DGCR8: variants seen among roughly 807,000 people sequenced by gnomAD.
DGCR8 encodes the protein DGCR8 microprocessor complex subunit.
A neutral mutation model predicts 78.5 loss-of-function variants in DGCR8; 14 were observed. The ratio of observed to expected loss-of-function variants is 0.18; its 90% CI spans 0.12 to 0.28. DGCR8 has a LOEUF of 0.28. Ranked by LOEUF, DGCR8 falls within the 10% of genes least tolerant of loss-of-function variation. DGCR8 has a pLI of 1.00. For missense variants in DGCR8, 702 were observed against 1,022.5 expected (o/e 0.69, Z 4.28); for synonymous variants, 399 against 402.4 (o/e 0.99, Z 0.10).
chr22:20,109,033 G>C, intron 13 of DGCR8, 30 bp downstream of exon 13: 1 of 1,206,618 alleles, frequency 8.3e-7, no homozygotes, highest in South Asian at 1.2e-5. Context: ...GAGGGCTGCC[G>C]GGCCACGGCC....
chr22:20,087,206 T>C lies in DGCR8; in HGVS notation c.765T>C (p.Leu255=), dbSNP rs1602479236. 1.2e-6 allele frequency: 2 copies of C among 1,613,808 alleles called. No homozygotes were observed. The highest frequency in any genetic ancestry group is 1.7e-6 in the Non-Finnish European group (2 of 1,179,764). ...NDVDALLEEG[L]CAPKKRRTEE... ...TGGATGCTCTGCTGGAAGAAGGCCT[T>C]TGTGCCCCCAAAAAGAGGCGAACAG... Residue 255 remains leucine, a synonymous_variant, in exon 3 of 14, where the codon CTT becomes CTC. Transcript: ENST00000351989. This position sits in a 1 kb window ranked among gnomAD's most constrained non-coding sequence, Gnocchi z 4.1.
intron 5 of DGCR8, 61 bp from the exon 6 acceptor site, chr22:20,091,374 T>G: frequency 1.9e-5 from 30 of 1,570,922 alleles, no homozygotes; most frequent in Non-Finnish European, 2.5e-5. Flanking sequence ...CACTGGGCTG[T>G]GAGAACCTGA....
chr22:20,091,827 G>C (rs1340076670), intron 6 of DGCR8, 42 bp from the exon 7 acceptor site: 1 of 1,579,182 alleles, frequency 6.3e-7, no homozygotes, highest in South Asian at 1.1e-5. Context: ...GCTAGCTTGT[G>C]GCACTGCTTC....
chr22:20,104,859 G>GAGGAGCTGCCCT (rs1555880029), intron 9 of DGCR8, among the ~76,000 whole-genome samples: 19,917 of 152,176 alleles, frequency 0.13, 1,683 homozygotes, highest in Non-Finnish European at 0.19. Flanking sequence ...GGGCAGAGGA[G>GAGGAGCTGCCCT]CTGCCCACTG....
At chr22:20,097,655 C>T (rs2147930244) in intron 9 of DGCR8, among the ~76,000 whole-genome samples, 1 of 151,998 alleles carries the variant, frequency 6.6e-6, no homozygotes, top group Non-Finnish European at 1.5e-5. Context: ...CTTTCTGTTC[C>T]TCAGTGTGGA....
chr22:20,101,113 T>G, intron 9 of DGCR8: 366 of 806,958 alleles, frequency 4.5e-4, no homozygotes, highest in South Asian at 6.8e-4. Flanking sequence ...GTGGGGTCGT[T>G]TTGAATCACA....
rs1310222466 is a variant in DGCR8, at chr22:20,085,978, G to A, written c.15G>A (p.Glu5=). The A allele has an allele frequency of 6.3e-7, 1 of 1,590,274 alleles. No homozygotes were observed. The highest frequency in any genetic ancestry group is 1.1e-5 in the South Asian group (1 of 89,044). Residue 5 remains glutamate, a synonymous_variant, in exon 2 of 14, where the codon GAG becomes GAA. Transcript: ENST00000351989. The surrounding 1 kb of genome is among the most constrained non-coding windows in gnomAD (Gnocchi z 6.2). ...GCGCTTTTAATATGGAGACAGATGA[G>A]AGCCCCTCTCCGCTCCCGTGTGGGC... METD[E]SPSPLPCGPA...
chr22:20,100,784 G>T (rs2049689522), intron 9 of DGCR8: 1 of 985,266 alleles, frequency 1.0e-6, no homozygotes, highest in Non-Finnish European at 1.2e-6. Context: ...AGACTCCCCT[G>T]CCTGGGGCTT....
At position 20,089,914 on chromosome 22, in the gene DGCR8, C is replaced by T. The variant is rs2049532153; in HGVS notation, c.1024-62C>T. On this transcript the variant is annotated intron_variant, in intron 4 of 13. Transcript: ENST00000351989. This position sits in a 1 kb window ranked among gnomAD's most constrained non-coding sequence, Gnocchi z 4.9. ...CAGCCAAGCAGAGGCCGGTGAAAGG[C>T]ATCAGAGTTTCAGACTCTCGGGTTG... The T allele has an allele frequency of 6.3e-7, 1 of 1,586,322 alleles. No individual in the cohort carries two copies. Among genetic ancestry groups the T allele is most frequent in the South Asian group, 1.1e-5 (1 of 87,142 alleles).
intron 9 of DGCR8, among the ~76,000 whole-genome samples, chr22:20,098,449 T>C (rs2049656769): frequency 6.6e-6 from 1 of 152,226 alleles, no homozygotes; most frequent in South Asian, 2.1e-4. Context: ...TTTCTTTGCA[T>C]ATCTCAGAAT....
rs1431364404 is a variant in DGCR8, at chr22:20,110,210, T to TA, written c.*102_*103insA. The TA allele has an allele frequency of 2.4e-6, 3 of 1,240,804 alleles. No homozygotes were observed. The highest frequency in any genetic ancestry group is 3.4e-6 in the Non-Finnish European group (3 of 877,984). The allele number at this position is 1,240,804 out of a possible 1,614,324, so 76.9% of individuals were successfully genotyped here. Reference sequence around the variant, plus strand: ...ACAGTGTCAGGCCTCCAACCCACGCTCCTTCCCTGTGGCCAACCTGTGGGC... The same window carrying TA: ...ACAGTGTCAGGCCTCCAACCCACGCTACCTTCCCTGTGGCCAACCTGTGGGC... On this transcript the variant is annotated 3_prime_UTR_variant, in exon 14 of 14. Transcript: ENST00000351989.
At chr22:20,093,812 A>G (rs1382147038) in intron 8 of DGCR8, among the ~76,000 whole-genome samples, 3 of 152,244 alleles carry the variant, frequency 2.0e-5, no homozygotes, top group Admixed American at 2.0e-4. Context: ...ATTCTTTCAC[A>G]AAAAGCCATT....
intron 9 of DGCR8, among the ~76,000 whole-genome samples, chr22:20,101,004 CTT>C (rs2049694056): frequency 6.6e-6 from 1 of 152,194 alleles, no homozygotes; most frequent in South Asian, 2.1e-4. Flanking sequence ...ACTTATGAAA[CTT>C]ATTTTTCATG....
Position 20,087,135 on chromosome 22 carries a change from C to G in DGCR8, c.721-27C>G, listed in dbSNP as rs2049494429. ...TGCAGGAGCATGAGCGCCAGGGGCT[C>G]TGGTGTCTGAACAGCGTGTTTTGCA... On this transcript the variant is annotated intron_variant, in intron 2 of 13. Transcript: ENST00000351989. This position sits in a 1 kb window ranked among gnomAD's most constrained non-coding sequence, Gnocchi z 4.1. 6.3e-7 allele frequency: 1 copy of G among 1,587,582 alleles called. No homozygotes were observed. Among genetic ancestry groups the G allele is most frequent in the Admixed American group, 1.7e-5 (1 of 57,516 alleles).
chr22:20,090,142 C>G lies in DGCR8; in HGVS notation c.1190C>G (p.Ser397Cys). The G allele has an allele frequency of 1.2e-6, 2 of 1,614,262 alleles. No homozygotes were observed. The highest frequency in any genetic ancestry group is 2.2e-5 in the South Asian group (2 of 91,086). ...GAGTTTCCCCTGGATGAGCCTGACT[C>G]TATGGGTGCTGACCCGGGGCCCCCG... ...ELEFPLDEPD[S>C]MGADPGPPDE... Residue 397 changes from serine (S) to cysteine (C), a missense_variant, in exon 5 of 14, where the codon TCT (serine) becomes TGT (cysteine). Physicochemically the swap from Ser to Cys is moderately radical, Grantham distance 112. Transcript: ENST00000351989.
rs146637707 is a variant in DGCR8 at position 20,089,736 on chromosome 22, C to G, written c.948C>G (p.Val316=). 6.5e-5 allele frequency: 105 copies of G among 1,613,810 alleles called. No homozygotes were observed. In the African/African-American group the frequency reaches 1.1e-3, roughly 18 times the overall value. The change falls in exon 4 of 14, where the codon GTC becomes GTG. Residue 316 remains valine, a synonymous_variant. Coordinates refer to ENST00000351989, the MANE Select transcript of DGCR8 (RefSeq NM_022720.7). The surrounding 1 kb of genome is among the most constrained non-coding windows in gnomAD (Gnocchi z 4.9). ...GWIMTFHNSG[V]PVYLHRESRV... Reference sequence around the variant, plus strand: ...TCATGACATTCCATAACTCTGGAGTCCCGGTGTACCTACACAGAGAGTCTC... The same window carrying G: ...TCATGACATTCCATAACTCTGGAGTGCCGGTGTACCTACACAGAGAGTCTC...
chr22:20,098,988 G>A (rs1345871371), intron 9 of DGCR8, among the ~76,000 whole-genome samples: 1 of 152,096 alleles, frequency 6.6e-6, no homozygotes, highest in African/African-American at 2.4e-5. Context: ...ATGATTTGTG[G>A]CCACTGAATA....
Position 20,107,475 on chromosome 22 carries a change from G to A in DGCR8, c.2124+77G>A, listed in dbSNP as rs964076517. 2.5e-6 allele frequency: 4 copies of A among 1,579,788 alleles called. No individual in the cohort carries two copies. In the Admixed American group the frequency reaches 6.7e-5, roughly 27 times the overall value. On this transcript the variant is annotated intron_variant, in intron 12 of 13. Transcript: ENST00000351989. Reference sequence around the variant, plus strand: ...GTATTCCTGAGGCTCTGTGCTCAGAGGGGGCAGAGCTGGGCAGCTCTGCTG... The same window carrying A: ...GTATTCCTGAGGCTCTGTGCTCAGAAGGGGCAGAGCTGGGCAGCTCTGCTG...
At chr22:20,106,943 G>A in intron 11 of DGCR8, 1 of 577,868 alleles carries the variant, frequency 1.7e-6, no homozygotes. Flanking sequence ...GTGGCAGGAG[G>A]AAAGGCCCTC....
Sources: gnomAD v4.1 joint callset for allele counts (sites outside exome capture counted in the v4.1 genomes callset) on GRCh38, gnomAD v4.1.1 for gene constraint, Gnocchi (gnomAD v3.1) non-coding constraint, MANE v1.5 for transcripts, NCBI Gene and HGNC (gene_info 2026-07-23, HGNC 2026-07-21) for gene names.